POU6F2: variants seen among roughly 807,000 people sequenced by gnomAD.
The protein encoded by POU6F2 is POU class 6 homeobox 2.
Under a neutral mutation model 71.3 loss-of-function variants are expected in POU6F2, and 31 were observed. The ratio of observed to expected loss-of-function variants is 0.43; its 90% CI spans 0.33 to 0.59. The LOEUF (loss-of-function observed/expected upper bound fraction) is 0.59, where lower values mean the gene tolerates loss of function less well. Ranked by LOEUF, POU6F2 falls within the 20% of genes least tolerant of loss-of-function variation. The pLI is 0.04. For missense variants in POU6F2, 783 were observed against 856.8 expected (o/e 0.91, Z 1.07); for synonymous variants, 347 against 355.7 (o/e 0.98, Z 0.27).
At chr7:39,320,251 C>A (rs973396225) in intron 4 of POU6F2, among the ~76,000 whole-genome samples, 1 of 152,124 alleles carries the variant, frequency 6.6e-6, no homozygotes, top group Non-Finnish European at 1.5e-5. Context: ...TCTGAATCTC[C>A]GTCAGAAGAC....
intron 2 of POU6F2, among the ~76,000 whole-genome samples, chr7:39,176,253 T>C (rs1180465622): frequency 6.6e-6 from 1 of 152,176 alleles, no homozygotes; most frequent in Non-Finnish European, 1.5e-5. Context: ...ATGGTGCTTC[T>C]CTCTTTGTCA....
At chr7:39,356,044 T>A (rs894274794) in intron 5 of POU6F2, among the ~76,000 whole-genome samples, 1 of 152,128 alleles carries the variant, frequency 6.6e-6, no homozygotes, top group Non-Finnish European at 1.5e-5. Flanking sequence ...CTGGAACTTT[T>A]CTCACTTTTC....
intron 4 of POU6F2, among the ~76,000 whole-genome samples, chr7:39,318,120 C>G (rs1289225605): frequency 6.6e-6 from 1 of 152,142 alleles, no homozygotes; most frequent in Non-Finnish European, 1.5e-5. Context: ...AACACATGCT[C>G]AAACACGTTG....
chr7:39,007,975 C>T (rs1180805768), intron 1 of POU6F2, among the ~76,000 whole-genome samples: 105 of 149,548 alleles, frequency 7.0e-4, no homozygotes, highest in Admixed American at 1.1e-3. Context: ...TGAATAGTGC[C>T]GCAATAAACA....
intron 5 of POU6F2, among the ~76,000 whole-genome samples, chr7:39,374,999 C>T (rs1337995182): frequency 6.6e-6 from 1 of 152,180 alleles, no homozygotes. Context: ...CTGCTTTCTA[C>T]AGTTTGGGGA....
At chr7:39,073,376 T>TAAAA (rs35194991) in intron 1 of POU6F2, among the ~76,000 whole-genome samples, 1 of 133,198 alleles carries the variant, frequency 7.5e-6, no homozygotes, top group Admixed American at 7.5e-5. Flanking sequence ...GAGAACCTAT[T>TAAAA]AAAAAAAAAA....
Position 39,464,305 on chromosome 7 carries a change from C to T in POU6F2, c.1782C>T (p.Asp594=). 6.2e-7 allele frequency: 1 copy of T among 1,614,016 alleles called. No homozygotes were observed. The highest frequency in any genetic ancestry group is 8.5e-7 in the Non-Finnish European group (1 of 1,179,896). The part of the protein sequence containing the change: ...LLYPARFEKL[D]ITPKSAQKIK... ...ATCCTGCCAGGTTTGAAAAGCTGGACATCACCCCTAAAAGTGCCCAGAAGA... is the reference window on the plus strand; with the variant it reads ...ATCCTGCCAGGTTTGAAAAGCTGGATATCACCCCTAAAAGTGCCCAGAAGA... The change falls in exon 10 of 10, where the codon GAC becomes GAT. Residue 594 remains aspartate, a synonymous_variant. Transcript: ENST00000518318. This position sits in a 1 kb window ranked among gnomAD's most constrained non-coding sequence, Gnocchi z 4.1.
rs111287945 is a variant in POU6F2 at position 39,316,025 on chromosome 7, C to T, written c.599-23617C>T. On this transcript the variant is annotated intron_variant, in intron 4 of 9. Coordinates refer to ENST00000518318, the MANE Select transcript of POU6F2 (RefSeq NM_001370959.1). ...GGAGGCCCTTCCTTGAGTTTAAGTT[C>T]GATTTAGCACTGTGTCCTGGTAGTA... 6.5e-3 allele frequency among the ~76,000 whole-genome samples: 987 copies of T among 152,158 alleles called. 11 individuals carry two copies. The highest frequency in any genetic ancestry group is 9.8e-3 in the Non-Finnish European group (664 of 68,008).
chr7:39,353,959 C>G (rs1276298064), intron 5 of POU6F2, among the ~76,000 whole-genome samples: 1 of 152,186 alleles, frequency 6.6e-6, no homozygotes, highest in Admixed American at 6.5e-5. Flanking sequence ...ATTTGCCACT[C>G]CAGTGAGTTA....
chr7:39,072,438 T>G (rs895245835), intron 1 of POU6F2, among the ~76,000 whole-genome samples: 2 of 152,228 alleles, frequency 1.3e-5, no homozygotes, highest in South Asian at 4.1e-4. Context: ...CAAGTGGATA[T>G]GGGATAAGCC....
chr7:39,191,416 T>TA (rs2128743266), intron 2 of POU6F2, among the ~76,000 whole-genome samples: 2 of 151,724 alleles, frequency 1.3e-5, no homozygotes, highest in Non-Finnish European at 3.0e-5. Flanking sequence ...ATTCTGACCC[T>TA]AAAGTTCTAA....
intron 2 of POU6F2, among the ~76,000 whole-genome samples, chr7:39,111,299 T>C (rs756815922): frequency 2.1e-4 from 32 of 152,216 alleles, no homozygotes; most frequent in Non-Finnish European, 3.4e-4. Flanking sequence ...GGCAGGATTA[T>C]CATGGTAGCA....
At chr7:38,993,689 CT>C (rs1200077459) in intron 1 of POU6F2, among the ~76,000 whole-genome samples, 11 of 122,900 alleles carry the variant, frequency 9.0e-5, no homozygotes, top group African/African-American at 2.6e-4. Context: ...ATATGGAAAC[CT>C]TTTTTTTTGG....
intron 2 of POU6F2, among the ~76,000 whole-genome samples, chr7:39,185,911 A>G (rs1400989588): frequency 8.2e-6 from 1 of 121,272 alleles, no homozygotes; most frequent in Non-Finnish European, 1.9e-5. Flanking sequence ...ATATATATGT[A>G]TATGTATATG....
chr7:39,286,200 C>T (rs1784647131), intron 4 of POU6F2, among the ~76,000 whole-genome samples: 1 of 152,122 alleles, frequency 6.6e-6, no homozygotes, highest in Non-Finnish European at 1.5e-5. Context: ...ATCCCACTTA[C>T]CAGCAAGATG....
intron 4 of POU6F2, among the ~76,000 whole-genome samples, chr7:39,257,204 G>T (rs1479484609): frequency 6.6e-6 from 1 of 152,168 alleles, no homozygotes; most frequent in Non-Finnish European, 1.5e-5. Context: ...AGGAAAAGGT[G>T]GAGACTTTGA....
At chr7:39,110,507 C>T (rs1224511400) in intron 2 of POU6F2, among the ~76,000 whole-genome samples, 1 of 151,906 alleles carries the variant, frequency 6.6e-6, no homozygotes, top group Non-Finnish European at 1.5e-5. Flanking sequence ...ACGTTGGTAG[C>T]TTGAAATTGG....
intron 1 of POU6F2, among the ~76,000 whole-genome samples, chr7:39,066,202 T>A (rs1414275671): frequency 6.6e-6 from 1 of 151,778 alleles, no homozygotes; most frequent in Non-Finnish European, 1.5e-5. Flanking sequence ...CTGGTTTAAT[T>A]TTTTTGGATG....
chr7:39,155,574 T>C (rs1488918684), intron 2 of POU6F2, among the ~76,000 whole-genome samples: 3 of 152,210 alleles, frequency 2.0e-5, no homozygotes, highest in Non-Finnish European at 4.4e-5. Flanking sequence ...AAAACTTTGC[T>C]AGCAAATCTA....
Sources: gnomAD v4.1 joint callset for allele counts (sites outside exome capture counted in the v4.1 genomes callset) on GRCh38, gnomAD v4.1.1 for gene constraint, Gnocchi (gnomAD v3.1) non-coding constraint, MANE v1.5 for transcripts, NCBI Gene and HGNC (gene_info 2026-07-23, HGNC 2026-07-21) for gene names.